Variants in RAD51B observed in about 807,000 individuals in gnomAD.
The protein encoded by RAD51B is DNA repair protein RAD51 homolog 2.
A neutral mutation model predicts 42.2 loss-of-function variants in RAD51B; 38 were observed. That is an observed-to-expected ratio of 0.90 (90% CI 0.70 to 1.18). The LOEUF (loss-of-function observed/expected upper bound fraction) is 1.18, where lower values mean the gene tolerates loss of function less well. Ranked by LOEUF, RAD51B falls within the 50% of genes most tolerant of loss-of-function variation. The pLI, the probability that RAD51B is intolerant of heterozygous loss-of-function variation, is 0.00. For missense variants in RAD51B, 373 were observed against 400.7 expected, an observed-to-expected ratio of 0.93 and a Z score of 0.59; for synonymous variants, 154 against 145.2, an observed-to-expected ratio of 1.06 and a Z score of -0.43.
chr14:67,912,417 T>G (rs1022392501), intron 7 of RAD51B, among the ~76,000 whole-genome samples: 2 of 152,216 alleles, frequency 1.3e-5, no homozygotes, highest in African/African-American at 4.8e-5. Context: ...GTTTTAGACA[T>G]GATAACATTG....
At chr14:67,920,211 A>G (rs531206544) in intron 7 of RAD51B, among the ~76,000 whole-genome samples, 48 of 152,292 alleles carry the variant, frequency 3.2e-4, no homozygotes, top group Non-Finnish European at 3.8e-4. Flanking sequence ...TTACCCTCCC[A>G]AGATACGTTT....
chr14:68,399,135 G>C (rs2084011184), intron 8 of RAD51B, among the ~76,000 whole-genome samples: 1 of 152,000 alleles, frequency 6.6e-6, no homozygotes, highest in Non-Finnish European at 1.5e-5. Flanking sequence ...TAATCTCTCT[G>C]GAAAGGCCAA....
chr14:68,572,287 C>A (rs1361563518), intron 10 of RAD51B, among the ~76,000 whole-genome samples: 1 of 152,248 alleles, frequency 6.6e-6, no homozygotes, highest in African/African-American at 2.4e-5. Flanking sequence ...CTCTCCCAGG[C>A]ATCAGCCCTA....
intron 2 of RAD51B, among the ~76,000 whole-genome samples, 173 bp from the exon 3 acceptor site, chr14:67,825,291 A>G (rs1027898009): frequency 6.6e-6 from 1 of 152,134 alleles, no homozygotes; most frequent in Non-Finnish European, 1.5e-5. Flanking sequence ...TGTCATTACA[A>G]CTTTTAGTTA....
chr14:68,371,915 G>A (rs1264924940), intron 8 of RAD51B, among the ~76,000 whole-genome samples: 2 of 152,242 alleles, frequency 1.3e-5, no homozygotes, highest in Non-Finnish European at 2.9e-5. Context: ...CTGAATAAAT[G>A]AGTCTGAGTC....
rs192215924 is a variant in RAD51B at position 68,305,058 on chromosome 14, C to T, written c.853+13078C>T. Among the ~76,000 whole-genome samples the T allele has an allele frequency of 2.0e-5, 3 of 152,276 alleles. No homozygotes were observed. In the East Asian group the frequency reaches 5.8e-4, roughly 29 times the overall value. Reference sequence around the variant, plus strand: ...ACTATATAAAGTTATATAAAACACACCAGAAATAGAATTTTTAAAATATGA... The same window carrying T: ...ACTATATAAAGTTATATAAAACACATCAGAAATAGAATTTTTAAAATATGA... On this transcript the variant is annotated intron_variant, in intron 8 of 10. Transcript: ENST00000471583.
chr14:68,530,504 AG>A (rs1170981549), intron 10 of RAD51B, among the ~76,000 whole-genome samples: 1 of 150,306 alleles, frequency 6.7e-6, no homozygotes, highest in Non-Finnish European at 1.5e-5. Flanking sequence ...GTTACCAGGG[AG>A]AAAAGAGAGT....
chr14:67,841,805 G>A (rs926498073), intron 4 of RAD51B, among the ~76,000 whole-genome samples: 2 of 152,092 alleles, frequency 1.3e-5, no homozygotes, highest in East Asian at 1.9e-4. Context: ...GTACCATGCC[G>A]TTTTGGTTGC....
chr14:67,980,314 G>A (rs975009652), intron 7 of RAD51B, among the ~76,000 whole-genome samples: 1 of 152,104 alleles, frequency 6.6e-6, no homozygotes, highest in African/African-American at 2.4e-5. Context: ...GCGTGCTGGC[G>A]GGCGCCTGTA....
chr14:68,202,634 G>C (rs1256223080), intron 7 of RAD51B, among the ~76,000 whole-genome samples: 4 of 137,386 alleles, frequency 2.9e-5, no homozygotes, highest in Non-Finnish European at 4.6e-5. Context: ...CCAGGCTGGA[G>C]TGCAATGGTG....
intron 7 of RAD51B, among the ~76,000 whole-genome samples, chr14:68,117,999 C>T (rs1235914181): frequency 6.6e-6 from 1 of 152,162 alleles, no homozygotes; most frequent in Non-Finnish European, 1.5e-5. Flanking sequence ...AAATTTATTA[C>T]CCAAATAGAT....
At chr14:68,431,365 T>G (rs1295419575) in intron 9 of RAD51B, among the ~76,000 whole-genome samples, 1 of 152,248 alleles carries the variant, frequency 6.6e-6, no homozygotes, top group African/African-American at 2.4e-5. Context: ...AATTCGGCTG[T>G]GAATCCATCT....
At chr14:68,599,270 T>C (rs1262167312), downstream of RAD51B, among the ~76,000 whole-genome samples, 4 of 152,228 alleles carry the variant, frequency 2.6e-5, no homozygotes, top group Non-Finnish European at 5.9e-5. Flanking sequence ...TACTACGTGC[T>C]GGACGTTATT....
At chr14:68,310,028 GT>G (rs1006448353) in intron 8 of RAD51B, among the ~76,000 whole-genome samples, 6 of 152,176 alleles carry the variant, frequency 3.9e-5, no homozygotes, top group African/African-American at 7.2e-5. Context: ...TTTGATTCAG[GT>G]TTTTTTATGT....
At chr14:68,585,659 A>G (rs976566672) in intron 10 of RAD51B, among the ~76,000 whole-genome samples, 1 of 152,192 alleles carries the variant, frequency 6.6e-6, no homozygotes. Flanking sequence ...AACAGGGCAG[A>G]GCAAACATTT....
At chr14:68,065,587 G>A (rs141620165) in intron 7 of RAD51B, among the ~76,000 whole-genome samples, 8 of 152,230 alleles carry the variant, frequency 5.3e-5, no homozygotes, top group Admixed American at 2.0e-4. Flanking sequence ...AGGGTGGTCC[G>A]CACTCCAGGA....
chr14:68,327,030 G>A (rs889449109), intron 8 of RAD51B, among the ~76,000 whole-genome samples: 3 of 152,160 alleles, frequency 2.0e-5, no homozygotes, highest in Non-Finnish European at 4.4e-5. Context: ...CTGTTGATGT[G>A]ACACACACAG....
chr14:68,330,314 A>G (rs2082324162), intron 8 of RAD51B, among the ~76,000 whole-genome samples: 1 of 152,254 alleles, frequency 6.6e-6, no homozygotes, highest in African/African-American at 2.4e-5. Flanking sequence ...ATGGTGTTTA[A>G]GTATAGAAAG....
At chr14:67,940,674 TTGTATC>T (rs1409298267) in intron 7 of RAD51B, among the ~76,000 whole-genome samples, 2 of 152,066 alleles carry the variant, frequency 1.3e-5, no homozygotes, top group Non-Finnish European at 2.9e-5. Flanking sequence ...GTGTGTGTGT[TTGTATC>T]TGTATTTAAT....
Sources: allele counts gnomAD v4.1 joint callset (sites outside exome capture counted in the v4.1 genomes callset), GRCh38; gene constraint gnomAD v4.1.1; transcripts MANE v1.5; gene names NCBI Gene and HGNC (gene_info 2026-07-23, HGNC 2026-07-21).